CACNA1B: variants seen among roughly 807,000 people sequenced by gnomAD.
CACNA1B encodes the protein voltage-dependent N-type calcium channel subunit alpha-1B.
A neutral mutation model predicts 247.2 loss-of-function variants in CACNA1B; 70 were observed. The observed-to-expected ratio is 0.28, with a 90% CI of 0.23 to 0.35. The LOEUF is 0.35. Among genes scored for constraint, CACNA1B ranks in the 10% least tolerant of loss-of-function variants. The pLI is 1.00. For synonymous variants in CACNA1B, 1,231 were observed against 1,294.4 expected (o/e 0.95, Z 1.05); for missense variants, 2,367 against 3,197.4 (o/e 0.74, Z 6.26).
chr9:137,986,679 A>G lies in CACNA1B; in HGVS notation c.1902-103A>G. On this transcript the variant is annotated intron_variant, in intron 14 of 46. Transcript: ENST00000371372. This position sits in a 1 kb window ranked among gnomAD's most constrained non-coding sequence, Gnocchi z 6.0. ...TCCTCAGAGGGGCCAGTGTGCAGCC[A>G]TCTGCAGCCTGAAGCGAGCAGGTTG... 3 of 1,409,414 alleles carry G rather than the reference A, an allele frequency of 2.1e-6. No individual in the cohort carries two copies. Among genetic ancestry groups the G allele is most frequent in the Non-Finnish European group, 3.0e-6 (3 of 995,462 alleles). The allele number at this position is 1,409,414 out of a possible 1,614,324, so 87.3% of individuals were successfully genotyped here.
chr9:137,922,659 G>A (rs1286648647), intron 6 of CACNA1B, among the ~76,000 whole-genome samples: 1 of 152,214 alleles, frequency 6.6e-6, no homozygotes. Flanking sequence ...ACTGCAGGGA[G>A]ACAGGGGTTA....
intron 26 of CACNA1B, among the ~76,000 whole-genome samples, chr9:138,056,175 T>C (rs905239853): frequency 1.3e-5 from 2 of 152,196 alleles, no homozygotes; most frequent in African/African-American, 2.4e-5. Flanking sequence ...CCACAGTCAA[T>C]TTTAGAACAC....
intron 15 of CACNA1B, among the ~76,000 whole-genome samples, chr9:138,004,795 A>G (rs539404743): frequency 1.2e-4 from 19 of 152,188 alleles, no homozygotes; most frequent in Non-Finnish European, 2.4e-4. Context: ...AGCAAAAAAA[A>G]CAAATAATCA....
intron 6 of CACNA1B, among the ~76,000 whole-genome samples, chr9:137,944,336 C>T (rs1957768903): frequency 6.6e-6 from 1 of 152,154 alleles, no homozygotes; most frequent in Non-Finnish European, 1.5e-5. Context: ...GATTTTCTTT[C>T]TTGCCCAGTG....
intron 36 of CACNA1B, among the ~76,000 whole-genome samples, chr9:138,084,303 G>A (rs2131327125): frequency 6.6e-6 from 1 of 151,190 alleles, no homozygotes; most frequent in East Asian, 2.0e-4. Context: ...GCAGCTGATT[G>A]CAGGCCATTA....
rs767242934 is a variant in CACNA1B at position 138,059,174 on chromosome 9, C to T, written c.4569C>T (p.Ile1523=). Residue 1523 remains isoleucine (I), a synonymous_variant, in exon 30 of 47, where the codon ATC becomes ATT. Coordinates refer to ENST00000371372, the MANE Select transcript of CACNA1B (RefSeq NM_000718.4). The surrounding 1 kb of genome is among the most constrained non-coding windows in gnomAD (Gnocchi z 4.2). ...MFSMECVLKI[I]AFGVLNYFRD... ...CCATGGAATGCGTGCTGAAGATCAT[C>T]GCCTTTGGGGTGCTGGTACGTGCTT... is the stretch of plus-strand genomic sequence containing the variant. The T allele has an allele frequency of 6.2e-6, 10 of 1,606,816 alleles. No homozygotes were observed. The highest frequency in any genetic ancestry group is 2.2e-5 in the East Asian group (1 of 44,840).
chr9:138,024,683 C>A (rs559529252), intron 19 of CACNA1B, among the ~76,000 whole-genome samples: 1 of 152,262 alleles, frequency 6.6e-6, no homozygotes, highest in African/African-American at 2.4e-5. Flanking sequence ...GGGTGGAGTG[C>A]AGTGGCGCAA....
chr9:138,017,574 A>G (rs1001705339), intron 18 of CACNA1B, among the ~76,000 whole-genome samples: 7 of 152,240 alleles, frequency 4.6e-5, no homozygotes, highest in African/African-American at 1.7e-4. Flanking sequence ...GAGCAGGCAC[A>G]GCAGAGAGTG....
intron 10 of CACNA1B, among the ~76,000 whole-genome samples, chr9:137,966,405 G>A (rs1362011442): frequency 6.7e-6 from 1 of 148,744 alleles, no homozygotes; most frequent in Non-Finnish European, 1.5e-5. Flanking sequence ...TTTGCATTTT[G>A]TTTAGCAGAG....
At chr9:137,883,510 G>A (rs1374965545) in intron 3 of CACNA1B, among the ~76,000 whole-genome samples, 15 of 151,436 alleles carry the variant, frequency 9.9e-5, no homozygotes, top group Non-Finnish European at 1.8e-4. Flanking sequence ...GACCCAAGGG[G>A]CCTGGATGGG....
At chr9:138,062,589 A>G (rs892651562) in intron 31 of CACNA1B, among the ~76,000 whole-genome samples, 4 of 152,192 alleles carry the variant, frequency 2.6e-5, no homozygotes, top group African/African-American at 9.7e-5. Context: ...TGACACACAC[A>G]GCTGCCACCA....
At chr9:138,120,562 G>A in intron 45 of CACNA1B, 69 bp from the exon 46 acceptor site, 1 of 1,450,354 alleles carries the variant, frequency 6.9e-7, no homozygotes, top group Non-Finnish European at 9.1e-7. Context: ...ATTCTGTCCT[G>A]CTGGGCCCGG....
chr9:138,000,157 G>A (rs1958549762), intron 15 of CACNA1B, among the ~76,000 whole-genome samples: 1 of 151,314 alleles, frequency 6.6e-6, no homozygotes, highest in Admixed American at 6.6e-5. Flanking sequence ...GGAGTGCAGT[G>A]GTGCGATCTC....
At chr9:138,118,624 TG>T in intron 43 of CACNA1B, 27 bp from the exon 44 acceptor site, 1 of 1,130,420 alleles carries the variant, frequency 8.8e-7, no homozygotes, top group Non-Finnish European at 1.3e-6. Flanking sequence ...CCTTGTGTGG[TG>T]GGACTAGGTG....
Position 138,023,129 on chromosome 9 carries a change from C to A in CACNA1B, c.2386C>A (p.Arg796=). 6.5e-7 allele frequency: 1 copy of A among 1,536,730 alleles called. No individual in the cohort carries two copies. Among genetic ancestry groups the A allele is most frequent in the Non-Finnish European group, 8.7e-7 (1 of 1,149,234 alleles). ...ALYSEMDPEE[R]LRFATTRHLR... The stretch of plus-strand genomic sequence containing the variant: ...GTACAGCGAGATGGACCCCGAGGAG[C>A]GGCTGCGCTTCGCCACTACGCGCCA... Residue 796 remains arginine, a synonymous_variant, in exon 19 of 47, where the codon CGG becomes AGG. Transcript: ENST00000371372.
chr9:138,120,227 G>A lies in CACNA1B; in HGVS notation c.6093G>A (p.Gly2031=). ...CCACGCTGGCCCAGCGGCCCCGTGG[G>A]ACTCATCTTTGCAGCACCACCCCGG... ...SISTLAQRPR[G]THLCSTTPDR... is the part of the protein sequence containing the mutation. The change falls in exon 45 of 47, where the codon GGG becomes GGA. Residue 2031 remains glycine, a synonymous_variant. Transcript: ENST00000371372. 6.2e-7 allele frequency: 1 copy of A among 1,608,426 alleles called. No individual in the cohort carries two copies. The highest frequency in any genetic ancestry group is 1.1e-5 in the South Asian group (1 of 89,710).
intron 15 of CACNA1B, among the ~76,000 whole-genome samples, chr9:138,000,688 A>G (rs1043084066): frequency 2.0e-5 from 3 of 152,216 alleles, no homozygotes; most frequent in Non-Finnish European, 4.4e-5. Flanking sequence ...ATTTAAGACA[A>G]AATGCAGACC....
chr9:138,073,390 G>C lies in CACNA1B; in HGVS notation c.4675-98G>C. On this transcript the variant is annotated intron_variant, in intron 32 of 46. Transcript: ENST00000371372. This position sits in a 1 kb window ranked among gnomAD's most constrained non-coding sequence, Gnocchi z 6.4. Reference sequence around the variant, plus strand: ...TTAATCTTTTTAACCACTTTTCTTTGGGGCCACAGGGATGTGGGAAGAGGT... The same window carrying C: ...TTAATCTTTTTAACCACTTTTCTTTCGGGCCACAGGGATGTGGGAAGAGGT... The C allele has an allele frequency of 1.4e-6, 1 of 708,968 alleles. No homozygotes were observed. The highest frequency in any genetic ancestry group is 2.6e-6 in the Non-Finnish European group (1 of 391,632). The allele number at this position is 708,968 out of a possible 1,614,324, so 43.9% of individuals were successfully genotyped here.
intron 3 of CACNA1B, among the ~76,000 whole-genome samples, chr9:137,883,777 T>G (rs1306005471): frequency 1.3e-5 from 2 of 152,262 alleles, no homozygotes; most frequent in African/African-American, 4.8e-5. Context: ...TCCTGAGCCT[T>G]ATGGTTCCGA....
Sources: allele counts gnomAD v4.1 joint callset (sites outside exome capture counted in the v4.1 genomes callset), GRCh38; gene constraint gnomAD v4.1.1; non-coding constraint Gnocchi (gnomAD v3.1); transcripts MANE v1.5; gene names NCBI Gene and HGNC (gene_info 2026-07-23, HGNC 2026-07-21).